Variants in PTGIS observed in about 807,000 individuals in gnomAD.
The protein encoded by PTGIS is prostacyclin synthase.
In PTGIS, 45 loss-of-function variants were observed where a neutral mutation model predicts 50.3. The observed-to-expected ratio is 0.90, with a 90% confidence interval of 0.70 to 1.15. The LOEUF is 1.15. Among genes scored for constraint, PTGIS ranks in the 50% most tolerant of loss-of-function variants. The pLI is 0.00. For missense variants in PTGIS, 668 were observed against 661.3 expected, an observed-to-expected ratio of 1.01 and a Z score of -0.11; for synonymous variants, 260 against 267.7, an observed-to-expected ratio of 0.97 and a Z score of 0.28.
At chr20:49,550,241 A>C (rs1343681132) in intron 1 of PTGIS, 52 bp from the exon 2 acceptor site, 1 of 1,600,660 alleles carries the variant, frequency 6.2e-7, no homozygotes, top group South Asian at 1.1e-5. Context: ...GAAGGGCATA[A>C]AGAGTGTAGG....
rs946818359 is a variant in PTGIS, at chr20:49,507,577, C to T, written c.*343G>A. 1.7e-4 allele frequency: 67 copies of T among 389,700 alleles called. No individual in the cohort carries two copies. Among genetic ancestry groups the T allele is most frequent in the African/African-American group, 1.2e-3 (57 of 48,228 alleles). 24.1% of individuals were successfully genotyped at this position (389,700 alleles called of 1,614,324 possible). Reference sequence around the variant, plus strand: ...ATAAGAACTAGGAAGGTGACACCTCCGGGAGTTGGGGGCAGAGCAGTGAAG... The same window carrying T: ...ATAAGAACTAGGAAGGTGACACCTCTGGGAGTTGGGGGCAGAGCAGTGAAG... On this transcript the variant is annotated 3_prime_UTR_variant, in exon 10 of 10. Transcript: ENST00000244043.
chr20:49,514,568 C>A (rs1277019024), intron 6 of PTGIS, among the ~76,000 whole-genome samples, 173 bp from the exon 7 acceptor site: 1 of 152,216 alleles, frequency 6.6e-6, no homozygotes, highest in East Asian at 1.9e-4. Context: ...GCCAAAACTG[C>A]CCTGTGGCCC....
At chr20:49,525,791 C>T (rs1431494705) in intron 5 of PTGIS, among the ~76,000 whole-genome samples, 1 of 152,050 alleles carries the variant, frequency 6.6e-6, no homozygotes, top group African/African-American at 2.4e-5. Context: ...TTGGAAACTC[C>T]CTCACTGACT....
chr20:49,523,958 T>G, intron 6 of PTGIS, 100 bp downstream of exon 6: 1 of 1,419,854 alleles, frequency 7.0e-7, no homozygotes, highest in Non-Finnish European at 9.7e-7. Context: ...CATAGTCATG[T>G]GCACACCTGC....
intron 1 of PTGIS, among the ~76,000 whole-genome samples, chr20:49,551,361 T>C (rs890560315): frequency 6.6e-6 from 1 of 152,214 alleles, no homozygotes; most frequent in Non-Finnish European, 1.5e-5. Context: ...TGAAGCCTGC[T>C]ACCTGGAGGC....
Position 49,549,967 on chromosome 20 carries a change from G to C in PTGIS, c.198+99C>G, listed in dbSNP as rs909626311. ...GATGGATGTTGGATGGTGGGGTGGG[G>C]GGGTTGGCATAGGGACATATGTTGA... On this transcript the variant is annotated intron_variant, in intron 2 of 9. Coordinates refer to ENST00000244043, the MANE Select transcript of PTGIS (RefSeq NM_000961.4). 47 of 1,585,344 alleles carry C rather than the reference G, an allele frequency of 3.0e-5. 1 individual carries two copies. In the Admixed American group the frequency reaches 4.8e-4, roughly 16 times the overall value.
intron 1 of PTGIS, among the ~76,000 whole-genome samples, chr20:49,559,320 G>A (rs6019899): frequency 3.9e-5 from 6 of 152,180 alleles, no homozygotes; most frequent in African/African-American, 9.6e-5. Context: ...TGTAACTAAG[G>A]CAGACACATT....
At position 49,539,184 on chromosome 20, in the gene PTGIS, G is replaced by A. The variant is rs981102483; in HGVS notation, c.673+386C>T. Among the ~76,000 whole-genome samples, 8 of 152,184 alleles carry A rather than the reference G, an allele frequency of 5.3e-5. No individual in the cohort carries two copies. The East Asian group carries it at 1.5e-3, about 29-fold the overall frequency. ...AGGGAAGTGGTGGGCTGAGGCTGGG[G>A]AGAAAGTGGAGCGCTCTTTTATTCT... is the stretch of plus-strand genomic sequence containing the variant. On this transcript the variant is annotated intron_variant, in intron 5 of 9. Transcript: ENST00000244043.
At chr20:49,559,976 G>C (rs1347050983) in intron 1 of PTGIS, among the ~76,000 whole-genome samples, 1 of 151,090 alleles carries the variant, frequency 6.6e-6, no homozygotes, top group East Asian at 1.9e-4. Flanking sequence ...CAAGGCTGGA[G>C]TGCAATGGCG....
rs148970149 is a variant in PTGIS, at chr20:49,537,946, T to C, written c.673+1624A>G. On this transcript the variant is annotated intron_variant, in intron 5 of 9. Transcript: ENST00000244043. ...GGCATATTTCTTTAATGAAATACTA[T>C]ACGGCAATAAAAAGAACAAGCTGTT... Among the ~76,000 whole-genome samples, 216 of 152,194 alleles carry C rather than the reference T, an allele frequency of 1.4e-3. 6 individuals carry two copies. The highest frequency in any genetic ancestry group is 5.0e-3 in the African/African-American group (208 of 41,528).
At position 49,540,638 on chromosome 20, in the gene PTGIS, CAT is replaced by C. The variant is rs1230068632; in HGVS notation, c.522-919_522-918del. ...AGACATGGGAGCTAGCATGAGCTCT[CAT>C]GTGCTCTCACTGAGGCACACTTACG... On this transcript the variant is annotated intron_variant, in intron 4 of 9. Coordinates refer to ENST00000244043, the MANE Select transcript of PTGIS (RefSeq NM_000961.4). The surrounding 1 kb of genome is among the most constrained non-coding windows in gnomAD (Gnocchi z 4.8). 6.6e-6 allele frequency among the ~76,000 whole-genome samples: 1 copy of C among 152,090 alleles called. No homozygotes were observed. Among genetic ancestry groups the C allele is most frequent in the Non-Finnish European group, 1.5e-5 (1 of 67,992 alleles).
intron 2 of PTGIS, among the ~76,000 whole-genome samples, chr20:49,548,866 A>G (rs540279704): frequency 6.6e-6 from 1 of 152,324 alleles, no homozygotes; most frequent in Admixed American, 6.5e-5. Context: ...GGGCAGCTAG[A>G]GGTTGGTTGG....
At chr20:49,552,562 C>A (rs1982538533) in intron 1 of PTGIS, among the ~76,000 whole-genome samples, 2 of 151,972 alleles carry the variant, frequency 1.3e-5, no homozygotes. Context: ...TAGAGATATA[C>A]ATTTCCCTAT....
intron 1 of PTGIS, among the ~76,000 whole-genome samples, chr20:49,557,566 A>G (rs1473377074): frequency 6.6e-6 from 1 of 151,264 alleles, no homozygotes; most frequent in Non-Finnish European, 1.5e-5. Flanking sequence ...AAGAAAAGAA[A>G]AAAAAAAAGA....
At chr20:49,551,021 T>A (rs1982493116) in intron 1 of PTGIS, among the ~76,000 whole-genome samples, 1 of 152,124 alleles carries the variant, frequency 6.6e-6, no homozygotes, top group Non-Finnish European at 1.5e-5. Flanking sequence ...CCGGCCATCA[T>A]GATGAAACGT....
chr20:49,566,927 G>A (rs1982913580), intron 1 of PTGIS, among the ~76,000 whole-genome samples: 1 of 152,208 alleles, frequency 6.6e-6, no homozygotes, highest in African/African-American at 2.4e-5. Context: ...CCATAACAAT[G>A]TAAGATGTTA....
chr20:49,509,263 G>A (rs1405021122), intron 9 of PTGIS, among the ~76,000 whole-genome samples: 2 of 152,168 alleles, frequency 1.3e-5, no homozygotes, highest in Non-Finnish European at 2.9e-5. Flanking sequence ...TTGAACTCCT[G>A]CACCTCCACT....
rs1982954066 is a variant in PTGIS at position 49,568,106 on chromosome 20, GC to G, written c.10del (p.Ala4ProfsTer16). The G allele has an allele frequency of 7.7e-7, 1 of 1,293,256 alleles. No individual in the cohort carries two copies. Among genetic ancestry groups the G allele is most frequent in the African/African-American group, 2.1e-5 (1 of 48,234 alleles). The allele number at this position is 1,293,256 out of a possible 1,614,324, so 80.1% of individuals were successfully genotyped here. Reference sequence around the variant, plus strand: ...TGCGGCCAGGAGGCCGAGGAGCGCGGCCCAAGCCATCGCGGGGCTGGCGGGG... The same window carrying G: ...TGCGGCCAGGAGGCCGAGGAGCGCGGCCAAGCCATCGCGGGGCTGGCGGGG... MAW[A>X]ALLGLLAALL... On this transcript the variant is annotated frameshift_variant, in exon 1 of 10. Coordinates refer to ENST00000244043, the MANE Select transcript of PTGIS (RefSeq NM_000961.4). LOFTEE classifies it high-confidence loss of function.
intron 3 of PTGIS, among the ~76,000 whole-genome samples, chr20:49,547,491 G>C (rs1982387028): frequency 6.6e-6 from 1 of 152,142 alleles, no homozygotes; most frequent in South Asian, 2.1e-4. Flanking sequence ...GAGGCTCAGA[G>C]AGGGAAAGAG....
Sources: gnomAD v4.1 joint callset for allele counts (sites outside exome capture counted in the v4.1 genomes callset) on GRCh38, gnomAD v4.1.1 for gene constraint, Gnocchi (gnomAD v3.1) non-coding constraint, MANE v1.5 for transcripts, NCBI Gene and HGNC (gene_info 2026-07-23, HGNC 2026-07-21) for gene names.